Variants in CSMD1 observed in about 807,000 individuals in gnomAD.
The protein encoded by CSMD1 is CUB and Sushi multiple domains 1, also known as CUB and sushi domain-containing protein 1.
In CSMD1, 213 loss-of-function variants were observed where a neutral mutation model predicts 417.5. That is an observed-to-expected ratio of 0.51 (90% CI 0.46 to 0.57). The LOEUF (loss-of-function observed/expected upper bound fraction) is 0.57, where lower values mean the gene tolerates loss of function less well. CSMD1 is among the 20% of genes least tolerant of loss of function. The probability of loss-of-function intolerance (pLI) is 0.00; values close to 1 mark genes in which losing one functional copy is unlikely to be tolerated. For synonymous variants in CSMD1, 2,862 were observed against 1,736.8 expected, an observed-to-expected ratio of 1.65 and a Z score of -16.11; for missense variants, 6,923 against 4,529.7, an observed-to-expected ratio of 1.53 and a Z score of -15.17.
intron 3 of CSMD1, among the ~76,000 whole-genome samples, chr8:4,419,523 T>C (rs1309633822): frequency 6.6e-6 from 1 of 152,070 alleles, no homozygotes; most frequent in African/African-American, 2.4e-5. Context: ...ATTTTCTCTC[T>C]TAAAAATTTC....
At chr8:4,134,881 C>G (rs1048487557) in intron 3 of CSMD1, among the ~76,000 whole-genome samples, 2 of 152,162 alleles carry the variant, frequency 1.3e-5, no homozygotes, top group Non-Finnish European at 2.9e-5. Flanking sequence ...TAAAGTTACA[C>G]AAATTGCTCG....
intron 3 of CSMD1, among the ~76,000 whole-genome samples, chr8:4,260,249 TC>T (rs1803782469): frequency 6.6e-6 from 1 of 152,210 alleles, no homozygotes. Flanking sequence ...CAACTTGCAT[TC>T]CGCTTATTAC....
chr8:3,506,420 G>A (rs1269607359), intron 10 of CSMD1, among the ~76,000 whole-genome samples: 2 of 152,136 alleles, frequency 1.3e-5, no homozygotes, highest in Admixed American at 6.5e-5. Context: ...GAGAGGAGAA[G>A]GTGCCGAATG....
intron 3 of CSMD1, among the ~76,000 whole-genome samples, chr8:4,181,922 G>C (rs1430041866): frequency 6.7e-6 from 1 of 149,910 alleles, no homozygotes. Flanking sequence ...CAAGTACTTA[G>C]TACTTTGCTA....
intron 6 of CSMD1, among the ~76,000 whole-genome samples, chr8:3,747,209 T>A (rs746724989): frequency 3.3e-5 from 5 of 152,180 alleles, no homozygotes; most frequent in Non-Finnish European, 5.9e-5. Flanking sequence ...CCACAGCCCT[T>A]AATCTCTCCA....
intron 1 of CSMD1, among the ~76,000 whole-genome samples, chr8:4,916,598 C>A (rs1187556954): frequency 6.6e-6 from 1 of 152,224 alleles, no homozygotes; most frequent in Non-Finnish European, 1.5e-5. Context: ...TTGAAAATAT[C>A]AGATCATCCT....
intron 2 of CSMD1, among the ~76,000 whole-genome samples, chr8:4,634,439 G>C (rs374622026): frequency 3.9e-5 from 6 of 152,132 alleles, no homozygotes; most frequent in Non-Finnish European, 8.8e-5. Context: ...AAATGCTCAA[G>C]TTGTTTAACA....
intron 54 of CSMD1, among the ~76,000 whole-genome samples, chr8:2,988,178 C>G (rs1308554606): frequency 2.0e-5 from 3 of 151,986 alleles, no homozygotes; most frequent in Non-Finnish European, 4.4e-5. Context: ...TACAACTAAA[C>G]CCATAATGAT....
chr8:3,897,561 A>G (rs1322821838), intron 5 of CSMD1, among the ~76,000 whole-genome samples: 1 of 152,166 alleles, frequency 6.6e-6, no homozygotes, highest in Non-Finnish European at 1.5e-5. Flanking sequence ...AATGCATACA[A>G]AACTACCTCA....
At chr8:3,675,749 C>G (rs551698681) in intron 7 of CSMD1, among the ~76,000 whole-genome samples, 9 of 152,138 alleles carry the variant, frequency 5.9e-5, no homozygotes, top group African/African-American at 1.7e-4. Context: ...CTTCCAGTCT[C>G]AAAACTGTGA....
intron 1 of CSMD1, among the ~76,000 whole-genome samples, chr8:4,926,170 C>G (rs1307816979): frequency 6.6e-6 from 1 of 152,144 alleles, no homozygotes; most frequent in South Asian, 2.1e-4. Context: ...GACAGCCAAG[C>G]CTATCAAGTC....
chr8:4,840,998 C>G (rs1007509944), intron 1 of CSMD1, among the ~76,000 whole-genome samples: 1 of 152,202 alleles, frequency 6.6e-6, no homozygotes, highest in African/African-American at 2.4e-5. Flanking sequence ...GTCCTCTTAA[C>G]TGAGCGTTTG....
rs150685384 is a variant in CSMD1, at chr8:3,983,421, C to A, written c.818+14482G>T. 1.1e-3 allele frequency among the ~76,000 whole-genome samples: 164 copies of A among 152,156 alleles called. 1 individual carries two copies. The highest frequency in any genetic ancestry group is 3.8e-3 in the African/African-American group (156 of 41,496). ...CTGGGATTACAGGCGTGAGCCACCGCGCCCGGCCGCAGCCTCCCACATCTA... is the reference window on the plus strand; with the variant it reads ...CTGGGATTACAGGCGTGAGCCACCGAGCCCGGCCGCAGCCTCCCACATCTA... On this transcript the variant is annotated intron_variant, in intron 5 of 69. Coordinates refer to ENST00000635120, the MANE Select transcript of CSMD1 (RefSeq NM_033225.6).
intron 4 of CSMD1, among the ~76,000 whole-genome samples, chr8:4,003,159 C>T (rs1356774483): frequency 3.3e-5 from 5 of 151,858 alleles, no homozygotes; most frequent in Non-Finnish European, 5.9e-5. Context: ...TTTGGGAGCC[C>T]TAGGAGGGTG....
rs528365315 is a variant in CSMD1, at chr8:3,758,340, C to A, written c.819-4298G>T. ...ATACAATCCATTTTCCATGAAGAAG[C>A]CATTCAAATGAATTGTACCCCGAAG... On this transcript the variant is annotated intron_variant, in intron 5 of 69. Transcript: ENST00000635120. 4.9e-4 allele frequency among the ~76,000 whole-genome samples: 74 copies of A among 152,288 alleles called. 1 individual carries two copies. The South Asian group carries it at 0.015, about 30-fold the overall frequency.
intron 1 of CSMD1, among the ~76,000 whole-genome samples, chr8:4,932,235 TTTAAA>T (rs1225774461): frequency 3.7e-5 from 5 of 134,656 alleles, no homozygotes; most frequent in African/African-American, 1.4e-4. Context: ...TGGGAAGACT[TTTAAA>T]TATAACTTCT....
intron 5 of CSMD1, among the ~76,000 whole-genome samples, chr8:3,759,622 A>T (rs900301692): frequency 6.6e-6 from 1 of 151,890 alleles, no homozygotes; most frequent in African/African-American, 2.4e-5. Flanking sequence ...TGCCAGGCAC[A>T]GTGGCTCACA....
At chr8:3,762,630 G>A (rs1408025802) in intron 5 of CSMD1, among the ~76,000 whole-genome samples, 2 of 152,220 alleles carry the variant, frequency 1.3e-5, no homozygotes, top group African/African-American at 2.4e-5. Flanking sequence ...GCTCTTGTCT[G>A]TGGAAGGTAT....
At chr8:3,892,757 G>C (rs1807070048) in intron 5 of CSMD1, among the ~76,000 whole-genome samples, 1 of 130,576 alleles carries the variant, frequency 7.7e-6, no homozygotes, top group African/African-American at 2.9e-5. Flanking sequence ...GCATTATGAA[G>C]TTATTGCTAG....
Sources: gnomAD v4.1 joint callset for allele counts (sites outside exome capture counted in the v4.1 genomes callset) on GRCh38, gnomAD v4.1.1 for gene constraint, MANE v1.5 for transcripts, NCBI Gene and HGNC (gene_info 2026-07-23, HGNC 2026-07-21) for gene names.